Variants in TEX36 observed in about 807,000 individuals in gnomAD.
TEX36 encodes the protein testis expressed 36, also known as testis-expressed protein 36.
In TEX36, 12 loss-of-function variants were observed where a neutral mutation model predicts 13.6. The observed-to-expected ratio is 0.88, with a 90% CI of 0.56 to 1.43. The LOEUF (loss-of-function observed/expected upper bound fraction) is 1.43. Ranked by LOEUF, TEX36 falls within the 40% of genes most tolerant of loss-of-function variation. The pLI is 0.00. For missense variants in TEX36, 224 were observed against 228.3 expected, an observed-to-expected ratio of 0.98 and a Z score of 0.12; for synonymous variants, 93 against 83.0, an observed-to-expected ratio of 1.12 and a Z score of -0.65.
At chr10:125,648,567 A>C (rs1327022044) in intron 3 of TEX36, among the ~76,000 whole-genome samples, 1 of 152,192 alleles carries the variant, frequency 6.6e-6, no homozygotes, top group Admixed American at 6.5e-5. Flanking sequence ...CAGAGCAGAA[A>C]AGCTGAAAAT....
intron 3 of TEX36, among the ~76,000 whole-genome samples, chr10:125,615,778 C>T (rs1262410083): frequency 6.6e-6 from 1 of 152,070 alleles, no homozygotes; most frequent in Non-Finnish European, 1.5e-5. Context: ...GCTTTGGTAT[C>T]AGGATGATGC....
At chr10:125,585,018 C>A (rs891304247) in intron 3 of TEX36, among the ~76,000 whole-genome samples, 4 of 152,128 alleles carry the variant, frequency 2.6e-5, no homozygotes, top group South Asian at 2.1e-4. Context: ...GAAAATCCAG[C>A]CTTAGGCAAG....
intron 3 of TEX36, among the ~76,000 whole-genome samples, chr10:125,608,086 G>A (rs751443186): frequency 6.6e-6 from 1 of 152,192 alleles, no homozygotes; most frequent in Non-Finnish European, 1.5e-5. Flanking sequence ...GACTGATGAG[G>A]AAACAGGTTT....
chr10:125,641,702 C>T (rs1359343901), intron 3 of TEX36, among the ~76,000 whole-genome samples: 1 of 152,154 alleles, frequency 6.6e-6, no homozygotes, highest in East Asian at 1.9e-4. Context: ...CTGTTCAGAA[C>T]AATACATTAA....
At chr10:125,658,076 A>C (rs1263375334) in intron 3 of TEX36, among the ~76,000 whole-genome samples, 1 of 152,120 alleles carries the variant, frequency 6.6e-6, no homozygotes, top group Non-Finnish European at 1.5e-5. Flanking sequence ...AAAAGCATAA[A>C]TTGTCATAAT....
chr10:125,624,006 T>C lies in TEX36; in HGVS notation c.265-2361A>G, dbSNP rs75816247. ...ACAGGTTGGGAGGTTTTCTAAGATG[T>C]TGATAATTTTTCCCTCTTGATATCA... On this transcript the variant is annotated intron_variant, in intron 3 of 3. Transcript: ENST00000526819. Among the ~76,000 whole-genome samples the C allele has an allele frequency of 9.3e-3, 1,418 of 152,338 alleles. 11 individuals are homozygous for C. The highest frequency in any genetic ancestry group is 0.034 in the Middle Eastern group (10 of 292).
intron 3 of TEX36, among the ~76,000 whole-genome samples, chr10:125,628,889 T>A (rs1846519379): frequency 6.6e-6 from 1 of 152,190 alleles, no homozygotes; most frequent in East Asian, 1.9e-4. Flanking sequence ...TGAGGACTGA[T>A]GACGCATGTG....
chr10:125,665,357 C>T (rs566339626), intron 1 of TEX36, among the ~76,000 whole-genome samples: 8 of 152,108 alleles, frequency 5.3e-5, no homozygotes, highest in Middle Eastern at 6.8e-3. Flanking sequence ...AGGTTTTCTT[C>T]TAGTGTTTTT....
intron 3 of TEX36, among the ~76,000 whole-genome samples, chr10:125,579,934 G>A (rs973995834): frequency 6.6e-6 from 1 of 152,202 alleles, no homozygotes; most frequent in African/African-American, 2.4e-5. Context: ...AGCACAATGT[G>A]AGAATGGACT....
chr10:125,606,548 T>TC lies in TEX36; in HGVS notation c.265-29675dup, dbSNP rs370912039. Among the ~76,000 whole-genome samples the TC allele has an allele frequency of 2.4e-3, 362 of 152,318 alleles. 2 individuals are homozygous for TC. The highest frequency in any genetic ancestry group is 8.4e-3 in the African/African-American group (349 of 41,572). ...TACCACGGTAAACAATATTAGCTGC[T>TC]CTACCCAGTGCTGAGCCGTGCTGTG... On this transcript the variant is annotated intron_variant, in intron 3 of 3. Transcript: ENST00000532135.
downstream of TEX36, among the ~76,000 whole-genome samples, chr10:125,653,815 C>T (rs901217741): frequency 2.0e-5 from 3 of 151,772 alleles, no homozygotes; most frequent in African/African-American, 7.3e-5. Flanking sequence ...CCCATCCCTA[C>T]AAAAAACAAT....
intron 3 of TEX36, among the ~76,000 whole-genome samples, chr10:125,593,368 T>C (rs1253554661): frequency 2.6e-5 from 4 of 152,200 alleles, no homozygotes. Context: ...TGCCATACTC[T>C]AGAAAGAATA....
chr10:125,602,595 A>G (rs1846163626), intron 3 of TEX36, among the ~76,000 whole-genome samples: 1 of 152,094 alleles, frequency 6.6e-6, no homozygotes, highest in Non-Finnish European at 1.5e-5. Context: ...TCATTCATTC[A>G]TTCATCATTC....
chr10:125,614,133 T>C (rs1846326812), intron 3 of TEX36, among the ~76,000 whole-genome samples: 1 of 152,168 alleles, frequency 6.6e-6, no homozygotes, highest in South Asian at 2.1e-4. Flanking sequence ...GGGTTGTTTG[T>C]TTTTTTCTTG....
chr10:125,621,464 T>G (rs1187991335), downstream of TEX36: 5 of 344,042 alleles, frequency 1.5e-5, no homozygotes, highest in African/African-American at 8.5e-5. Flanking sequence ...TGTTTTCATG[T>G]GCTGGTGTGG....
At chr10:125,626,395 A>G (rs1411983074) in intron 3 of TEX36, among the ~76,000 whole-genome samples, 1 of 152,198 alleles carries the variant, frequency 6.6e-6, no homozygotes, top group African/African-American at 2.4e-5. Flanking sequence ...ATAGTCATTA[A>G]CGCTCATGTG....
intron 1 of TEX36, among the ~76,000 whole-genome samples, chr10:125,668,696 T>G (rs1847167622): frequency 6.6e-6 from 1 of 152,224 alleles, no homozygotes; most frequent in South Asian, 2.1e-4. Flanking sequence ...TGTATTTTCT[T>G]TTAGTCTCTA....
In TEX36 at chr10:125,579,906, A is replaced by G. The variant is rs976843024; in HGVS notation, c.265-3032T>C. Among the ~76,000 whole-genome samples the G allele has an allele frequency of 2.8e-4, 43 of 152,200 alleles. 1 individual carries two copies. Among genetic ancestry groups the G allele is most frequent in the Non-Finnish European group, 2.9e-5 (2 of 68,034 alleles). On this transcript the variant is annotated intron_variant, in intron 3 of 3. Transcript: ENST00000532135. ...AACCTCCCTTCTTTATAAATTACCT[A>G]GTCTCAGGTAGTACTTTAGCACAAT...
At chr10:125,642,581 T>C (rs998421991) in intron 3 of TEX36, among the ~76,000 whole-genome samples, 1 of 152,244 alleles carries the variant, frequency 6.6e-6, no homozygotes, top group Non-Finnish European at 1.5e-5. Context: ...TTGTATGTAT[T>C]TCCTAAAGTG....
Sources: gnomAD v4.1 joint callset for allele counts (sites outside exome capture counted in the v4.1 genomes callset) on GRCh38, gnomAD v4.1.1 for gene constraint, MANE v1.5 for transcripts, NCBI Gene and HGNC (gene_info 2026-07-23, HGNC 2026-07-21) for gene names.